OSBPL10: variants seen among roughly 807,000 people sequenced by gnomAD.
OSBPL10 encodes oxysterol binding protein like 10.
Under a neutral mutation model 81.7 loss-of-function variants are expected in OSBPL10, and 49 were observed. The ratio of observed to expected loss-of-function variants is 0.60; its 90% CI spans 0.48 to 0.76. OSBPL10 has a LOEUF of 0.76. OSBPL10 is among the 30% of genes least tolerant of loss of function. The pLI is 0.00. For missense variants in OSBPL10, 923 were observed against 987.8 expected (o/e 0.93, Z 0.88); for synonymous variants, 419 against 383.6 (o/e 1.09, Z -1.08).
intron 1 of OSBPL10, 21 bp downstream of exon 1, chr3:31,980,878 C>A: frequency 1.3e-6 from 2 of 1,547,832 alleles, no homozygotes; most frequent in Non-Finnish European, 1.7e-6. Context: ...CGCGCGGTGG[C>A]GCGGGCGGCT....
intron 4 of OSBPL10, among the ~76,000 whole-genome samples, chr3:31,803,987 A>C (rs1699461709): frequency 6.6e-6 from 1 of 152,230 alleles, no homozygotes; most frequent in Non-Finnish European, 1.5e-5. Context: ...TTTGTAAAAA[A>C]ATAAGTATTC....
rs868034934 is a variant in OSBPL10 at position 31,914,622 on chromosome 3, T to C, written c.282-34792A>G. On this transcript the variant is annotated intron_variant, in intron 1 of 11. Transcript: ENST00000396556. ...TATTTGAGCCCGAGACTCTGGATTTTAGTATCAAATTTTCCTAGTTACCGC... is the reference window on the plus strand; with the variant it reads ...TATTTGAGCCCGAGACTCTGGATTTCAGTATCAAATTTTCCTAGTTACCGC... 9.2e-5 allele frequency among the ~76,000 whole-genome samples: 14 copies of C among 152,340 alleles called. No individual in the cohort carries two copies. In the South Asian group the frequency reaches 2.3e-3, roughly 25 times the overall value.
rs1195971892 is a variant in OSBPL10 at position 31,898,029 on chromosome 3, A to C, written c.282-18199T>G. ...GTCAAAAAAAAAAAAAAAAAAAAAA[A>C]AAAAAAAACAGAAGAAGAAGAGAAA... On this transcript the variant is annotated intron_variant, in intron 1 of 11. Transcript: ENST00000396556. Among the ~76,000 whole-genome samples, 6 of 116,398 alleles carry C rather than the reference A, an allele frequency of 5.2e-5. No homozygotes were observed. The East Asian group carries it at 8.8e-4, about 17-fold the overall frequency. 76.4% of individuals were successfully genotyped at this position (116,398 alleles called of 152,430 possible). A position where few individuals can be genotyped will look rare whatever the true frequency, so the allele number is the denominator to read the frequency against.
chr3:31,953,286 GCAAGGCAGGAAATAA>G (rs1047776086), intron 1 of OSBPL10, among the ~76,000 whole-genome samples: 1 of 152,000 alleles, frequency 6.6e-6, no homozygotes, highest in African/African-American at 2.4e-5. Flanking sequence ...CGGGACAGAA[GCAAGGCAGGAAATAA>G]CATCTGCAGA....
intron 2 of OSBPL10, among the ~76,000 whole-genome samples, chr3:32,027,763 G>A (rs1401652679): frequency 6.6e-6 from 1 of 152,152 alleles, no homozygotes; most frequent in Non-Finnish European, 1.5e-5. Flanking sequence ...AGAGTAACTG[G>A]GACTACAGGT....
At chr3:31,940,400 T>C (rs1015366381) in intron 1 of OSBPL10, among the ~76,000 whole-genome samples, 7 of 152,176 alleles carry the variant, frequency 4.6e-5, no homozygotes, top group Non-Finnish European at 8.8e-5. Flanking sequence ...AAAGCAGCTG[T>C]AGAGAGGTGG....
At chr3:31,830,414 C>T (rs1172438925) in intron 3 of OSBPL10, among the ~76,000 whole-genome samples, 183 bp from the exon 4 acceptor site, 4 of 152,190 alleles carry the variant, frequency 2.6e-5, no homozygotes, top group Non-Finnish European at 5.9e-5. Context: ...AACTGCCCTT[C>T]CTTAGCTGCC....
At chr3:31,833,697 A>ACGCG (rs143927166) in intron 3 of OSBPL10, among the ~76,000 whole-genome samples, 13 of 128,096 alleles carry the variant, frequency 1.0e-4, no homozygotes, top group African/African-American at 4.4e-4. Flanking sequence ...AAACACGCAC[A>ACGCG]CGCACACGCA....
chr3:31,971,408 G>A lies in OSBPL10; in HGVS notation c.281+9491C>T, dbSNP rs577977806. ...ACCCACCTCGGCCTCCCAGTGTGCT[G>A]GGATTACAGGCATGAGCCACTGCAC... On this transcript the variant is annotated intron_variant, in intron 1 of 11. Transcript: ENST00000396556. Among the ~76,000 whole-genome samples, 8 of 152,266 alleles carry A rather than the reference G, an allele frequency of 5.3e-5. No homozygotes were observed. In the South Asian group the frequency reaches 1.5e-3, roughly 28 times the overall value.
chr3:31,790,151 C>T (rs1698975052), intron 4 of OSBPL10, among the ~76,000 whole-genome samples: 3 of 152,202 alleles, frequency 2.0e-5, no homozygotes, highest in African/African-American at 7.2e-5. Context: ...ACATGACATG[C>T]TTCAATCTCA....
chr3:31,689,553 C>A (rs1700888355), intron 7 of OSBPL10, among the ~76,000 whole-genome samples: 1 of 152,184 alleles, frequency 6.6e-6, no homozygotes, highest in African/African-American at 2.4e-5. Context: ...TGTGTCCCCA[C>A]CCAAATTTCA....
At chr3:31,798,981 G>A (rs1307198410) in intron 4 of OSBPL10, among the ~76,000 whole-genome samples, 3 of 152,238 alleles carry the variant, frequency 2.0e-5, no homozygotes, top group East Asian at 1.9e-4. Flanking sequence ...TCTGACAGGC[G>A]GTGGAGCTCA....
intron 4 of OSBPL10, among the ~76,000 whole-genome samples, chr3:31,790,379 G>A (rs1324948902): frequency 6.6e-6 from 1 of 152,222 alleles, no homozygotes; most frequent in Admixed American, 6.5e-5. Flanking sequence ...CCATTTGTGT[G>A]TGGCAGAACC....
At position 31,854,018 on chromosome 3, in the gene OSBPL10, C is replaced by T. The variant is rs779996127; in HGVS notation, c.537+22415G>A. Among the ~76,000 whole-genome samples the T allele has an allele frequency of 1.1e-3, 167 of 152,152 alleles. 7 individuals are homozygous for T. The highest frequency in any genetic ancestry group is 4.7e-4 in the Non-Finnish European group (32 of 68,034). On this transcript the variant is annotated intron_variant, in intron 3 of 11. Transcript: ENST00000396556. Reference sequence around the variant, plus strand: ...ATATCTATTAAAGTACTTAACACTGCGCCTGGCATTTTGATCAAGTTTGAT... The same window carrying T: ...ATATCTATTAAAGTACTTAACACTGTGCCTGGCATTTTGATCAAGTTTGAT...
At chr3:31,665,605 G>T (rs1700170232) in intron 10 of OSBPL10, among the ~76,000 whole-genome samples, 2 of 152,186 alleles carry the variant, frequency 1.3e-5, no homozygotes, top group Non-Finnish European at 2.9e-5. Flanking sequence ...CAAGAAAACT[G>T]CTGGCACTGA....
At chr3:31,910,429 G>A (rs1182303030) in intron 1 of OSBPL10, among the ~76,000 whole-genome samples, 1 of 150,612 alleles carries the variant, frequency 6.6e-6, no homozygotes, top group East Asian at 2.1e-4. Flanking sequence ...GAGATCAGGA[G>A]TTCAAGACCA....
intron 4 of OSBPL10, among the ~76,000 whole-genome samples, chr3:31,796,866 A>G (rs1424082186): frequency 3.3e-5 from 5 of 152,122 alleles, no homozygotes; most frequent in African/African-American, 1.2e-4. Context: ...TCAAGCAGTA[A>G]TAGACACCTT....
At chr3:31,910,787 G>A (rs137896309) in intron 1 of OSBPL10, among the ~76,000 whole-genome samples, 319 of 152,196 alleles carry the variant, frequency 2.1e-3, no homozygotes, top group African/African-American at 7.0e-3. Flanking sequence ...AACAAATGGC[G>A]CCGCTTCCTT....
intron 1 of OSBPL10, among the ~76,000 whole-genome samples, chr3:32,071,772 A>G (rs995635349): frequency 6.6e-6 from 1 of 152,114 alleles, no homozygotes; most frequent in African/African-American, 2.4e-5. Flanking sequence ...TGTGTCTCCC[A>G]CAGTTACCAT....
Sources: allele counts gnomAD v4.1 joint callset (sites outside exome capture counted in the v4.1 genomes callset), GRCh38; gene constraint gnomAD v4.1.1; transcripts MANE v1.5; gene names NCBI Gene and HGNC (gene_info 2026-07-23, HGNC 2026-07-21).